The following SLC24A4 variants were observed in gnomAD, a reference collection of about 807,000 sequenced individuals.
SLC24A4 encodes solute carrier family 24 member 4.
SLC24A4 carries 53 observed loss-of-function variants against 79.0 expected under a neutral mutation model. That is an observed-to-expected ratio of 0.67 (90% CI 0.54 to 0.84). The LOEUF (loss-of-function observed/expected upper bound fraction) is 0.84, where lower values mean the gene tolerates loss of function less well. Among genes scored for constraint, SLC24A4 ranks in the 40% least tolerant of loss-of-function variants. SLC24A4 has a pLI of 0.00. For missense variants in SLC24A4, 731 were observed against 822.0 expected, an observed-to-expected ratio of 0.89 and a Z score of 1.35; for synonymous variants, 323 against 323.8, an observed-to-expected ratio of 1.00 and a Z score of 0.03.
At chr14:92,332,422 G>T (rs1368090334) in intron 2 of SLC24A4, among the ~76,000 whole-genome samples, 2 of 152,230 alleles carry the variant, frequency 1.3e-5, no homozygotes, top group African/African-American at 4.8e-5. Context: ...AGTGACTCAT[G>T]CCTGTGATCC....
rs529680379 is a variant in SLC24A4, at chr14:92,324,119, G to A, written c.130+159G>A. On this transcript the variant is annotated intron_variant, in intron 1 of 16. Transcript: ENST00000532405. Reference sequence around the variant, plus strand: ...CCGGGCAGGTAGAGCGCGCCCAGAAGAGCTGATGGACGCTCTGGGCTGTGG... The same window carrying A: ...CCGGGCAGGTAGAGCGCGCCCAGAAAAGCTGATGGACGCTCTGGGCTGTGG... Among the ~76,000 whole-genome samples, 47 of 152,326 alleles carry A rather than the reference G, an allele frequency of 3.1e-4. 1 individual carries two copies. Among genetic ancestry groups the A allele is most frequent in the Middle Eastern group, 3.4e-3 (1 of 294 alleles).
At chr14:92,476,998 T>C (rs1894798326) in intron 12 of SLC24A4, among the ~76,000 whole-genome samples, 1 of 152,246 alleles carries the variant, frequency 6.6e-6, no homozygotes, top group African/African-American at 2.4e-5. Context: ...TTATAAATAA[T>C]GCTGCTGTGA....
At chr14:92,392,383 G>A (rs1235351587) in intron 2 of SLC24A4, among the ~76,000 whole-genome samples, 6 of 151,982 alleles carry the variant, frequency 3.9e-5, no homozygotes, top group Admixed American at 2.0e-4. Flanking sequence ...TGGGAGCCTC[G>A]GGGTTTTTAT....
rs57018621 is a variant in SLC24A4, at chr14:92,499,842, CTTT to C, written c.*6227_*6229del. On this transcript the variant is annotated 3_prime_UTR_variant, in exon 17 of 17. Coordinates refer to ENST00000532405, the MANE Select transcript of SLC24A4 (RefSeq NM_153646.4). ...CCCAAGCAGTTGCTTCTTTTTTTCT[CTTT>C]TTTTTTTTTTTTGAGATGGAGCCTC... 7 of 107,612 alleles carry C rather than the reference CTTT, an allele frequency of 6.5e-5. No individual in the cohort carries two copies. The highest frequency in any genetic ancestry group is 5.9e-5 in the Non-Finnish European group (3 of 51,164). The allele number at this position is 107,612 out of a possible 1,614,324, so 6.7% of individuals were successfully genotyped here. A position where few individuals can be genotyped will look rare whatever the true frequency, so the allele number is the denominator to read the frequency against.
chr14:92,393,447 G>A (rs1331620375), intron 2 of SLC24A4, among the ~76,000 whole-genome samples: 3 of 152,152 alleles, frequency 2.0e-5, no homozygotes, highest in Admixed American at 6.5e-5. Flanking sequence ...AACGGTGCAG[G>A]GGAGCTGGCT....
intron 2 of SLC24A4, among the ~76,000 whole-genome samples, chr14:92,425,356 A>G (rs957624209): frequency 6.6e-6 from 1 of 152,226 alleles, no homozygotes; most frequent in African/African-American, 2.4e-5. Context: ...TCCAGTGGAC[A>G]TGAGTTATTG....
At chr14:92,432,473 G>C (rs1395099925) in intron 2 of SLC24A4, among the ~76,000 whole-genome samples, 9 of 152,164 alleles carry the variant, frequency 5.9e-5, no homozygotes, top group Non-Finnish European at 1.5e-5. Flanking sequence ...AATGTCTATT[G>C]ATCTGCACTG....
In SLC24A4 at chr14:92,398,232, T is replaced by C. The variant is rs1429094331; in HGVS notation, c.242-35680T>C. Among the ~76,000 whole-genome samples, 1 of 152,160 alleles carries C rather than the reference T, an allele frequency of 6.6e-6. No homozygotes were observed. The highest frequency in any genetic ancestry group is 2.4e-5 in the African/African-American group (1 of 41,440). Reference sequence around the variant, plus strand: ...TTGGTAAATTGGTAGTCAGAAGCCATTTAGCAACAGGACAGTTGAGTGCTA... The same window carrying C: ...TTGGTAAATTGGTAGTCAGAAGCCACTTAGCAACAGGACAGTTGAGTGCTA... On this transcript the variant is annotated intron_variant, in intron 2 of 16. Coordinates refer to ENST00000532405, the MANE Select transcript of SLC24A4 (RefSeq NM_153646.4). This position sits in a 1 kb window ranked among gnomAD's most constrained non-coding sequence, Gnocchi z 4.1.
intron 12 of SLC24A4, among the ~76,000 whole-genome samples, chr14:92,463,276 G>A (rs1313449084): frequency 4.6e-5 from 7 of 152,142 alleles, no homozygotes; most frequent in Non-Finnish European, 8.8e-5. Context: ...GTCCTTTTAA[G>A]CTCAGAAGGC....
At position 92,471,816 on chromosome 14, in the gene SLC24A4, C is replaced by T. The variant is rs926340114; in HGVS notation, c.1256-10864C>T. Among the ~76,000 whole-genome samples the T allele has an allele frequency of 4.6e-5, 7 of 152,174 alleles. No individual in the cohort carries two copies. The South Asian group carries it at 1.5e-3, about 32-fold the overall frequency. ...CTAAAGGAAAATTGGCATGCTGTTA[C>T]CATTAAAGGGGAGTAGATGCTAGCC... On this transcript the variant is annotated intron_variant, in intron 12 of 16. Transcript: ENST00000532405.
chr14:92,430,893 T>C (rs1891831122), intron 2 of SLC24A4, among the ~76,000 whole-genome samples: 1 of 152,144 alleles, frequency 6.6e-6, no homozygotes, highest in Non-Finnish European at 1.5e-5. Flanking sequence ...TGCTGATCCC[T>C]CCCTCCTCCC....
At chr14:92,382,090 G>GTA (rs1309949170) in intron 2 of SLC24A4, among the ~76,000 whole-genome samples, 1 of 151,124 alleles carries the variant, frequency 6.6e-6, no homozygotes, top group African/African-American at 2.4e-5. Flanking sequence ...CTGCATTCCT[G>GTA]TATATATATA....
intron 2 of SLC24A4, among the ~76,000 whole-genome samples, chr14:92,393,221 A>T (rs935537463): frequency 7.2e-5 from 11 of 152,368 alleles, no homozygotes; most frequent in African/African-American, 2.6e-4. Flanking sequence ...ACCCAGCCTA[A>T]GGTATTTGGT....
intron 2 of SLC24A4, among the ~76,000 whole-genome samples, chr14:92,429,529 A>G (rs1414838507): frequency 6.6e-6 from 1 of 152,180 alleles, no homozygotes; most frequent in African/African-American, 2.4e-5. Context: ...AATGGCCTAG[A>G]CCTCTGTATG....
intron 2 of SLC24A4, among the ~76,000 whole-genome samples, chr14:92,346,401 C>T (rs566482003): frequency 1.1e-4 from 17 of 152,312 alleles, no homozygotes; most frequent in African/African-American, 4.1e-4. Flanking sequence ...CACCTGTCCT[C>T]AGTCTCTTAC....
intron 12 of SLC24A4, among the ~76,000 whole-genome samples, chr14:92,461,279 G>A (rs1893794389): frequency 6.6e-6 from 1 of 152,214 alleles, no homozygotes; most frequent in Non-Finnish European, 1.5e-5. Flanking sequence ...TATTATAGCA[G>A]CCAACAAACA....
chr14:92,489,438 A>G (rs1895552677), intron 14 of SLC24A4, among the ~76,000 whole-genome samples: 1 of 152,066 alleles, frequency 6.6e-6, no homozygotes, highest in Non-Finnish European at 1.5e-5. Context: ...AAAAAGAAAA[A>G]AAAAATAGCT....
At chr14:92,407,956 A>G (rs755649689) in intron 2 of SLC24A4, among the ~76,000 whole-genome samples, 1 of 149,122 alleles carries the variant, frequency 6.7e-6, no homozygotes, top group Non-Finnish European at 1.5e-5. Flanking sequence ...AATTATTTCC[A>G]ATAACCGAAA....
At chr14:92,487,135 A>T (rs970505131) in intron 14 of SLC24A4, among the ~76,000 whole-genome samples, 5 of 152,232 alleles carry the variant, frequency 3.3e-5, no homozygotes. Context: ...AGAAAGGCAA[A>T]GCACTGGCAT....
Sources: gnomAD v4.1 joint callset for allele counts (sites outside exome capture counted in the v4.1 genomes callset) on GRCh38, gnomAD v4.1.1 for gene constraint, Gnocchi (gnomAD v3.1) non-coding constraint, MANE v1.5 for transcripts, NCBI Gene and HGNC (gene_info 2026-07-23, HGNC 2026-07-21) for gene names.